Variants in JAK2 observed in about 807,000 individuals in gnomAD.
JAK2 encodes the protein tyrosine-protein kinase JAK2.
Under a neutral mutation model 139.3 loss-of-function variants are expected in JAK2, and 86 were observed. The ratio of observed to expected loss-of-function variants is 0.62; its 90% CI spans 0.52 to 0.74. JAK2 has a LOEUF of 0.74. Ranked by LOEUF, JAK2 falls within the 30% of genes least tolerant of loss-of-function variation. JAK2 has a pLI of 0.00. For synonymous variants in JAK2, 490 were observed against 437.7 expected, an observed-to-expected ratio of 1.12 and a Z score of -1.49; for missense variants, 1,421 against 1,360.3, an observed-to-expected ratio of 1.04 and a Z score of -0.70.
intron 2 of JAK2, among the ~76,000 whole-genome samples, chr9:5,000,254 A>G (rs1052126616): frequency 2.1e-4 from 32 of 152,222 alleles, no homozygotes; most frequent in African/African-American, 7.0e-4. Flanking sequence ...GGGGTTTAGA[A>G]AGGAGGTACA....
Position 5,116,008 on chromosome 9 carries a change from T to G in JAK2, c.3060-6996T>G, listed in dbSNP as rs115681189. On this transcript the variant is annotated intron_variant, in intron 22 of 24. Transcript: ENST00000381652. ...CCACCATGACACGTGTATACCTACG[T>G]TAACAAACCTGCACCTTCTGCACAT... 6.5e-3 allele frequency among the ~76,000 whole-genome samples: 983 copies of G among 152,200 alleles called. 7 individuals carry two copies. Among genetic ancestry groups the G allele is most frequent in the African/African-American group, 0.022 (903 of 41,510 alleles).
At chr9:4,991,084 A>G (rs546618524) in intron 2 of JAK2, among the ~76,000 whole-genome samples, 1 of 152,320 alleles carries the variant, frequency 6.6e-6, no homozygotes, top group East Asian at 1.9e-4. Flanking sequence ...TGCTGGTAAA[A>G]TTTGAATAAA....
intron 2 of JAK2, among the ~76,000 whole-genome samples, chr9:4,989,501 T>C (rs113804118): frequency 2.5e-4 from 38 of 152,198 alleles, no homozygotes; most frequent in African/African-American, 8.9e-4. Context: ...ATTCAAGAAA[T>C]ACATGTTGAT....
chr9:5,108,563 G>A (rs1232145165), intron 22 of JAK2: 2 of 151,938 alleles, frequency 1.3e-5, no homozygotes, highest in African/African-American at 4.8e-5. Context: ...GACTTCACCT[G>A]TGACTCCCAA....
chr9:5,040,696 A>C (rs573821816), intron 4 of JAK2, among the ~76,000 whole-genome samples: 18 of 152,400 alleles, frequency 1.2e-4, no homozygotes, highest in African/African-American at 4.1e-4. Flanking sequence ...AAATGGCCAA[A>C]AAGCATGTAA....
intron 22 of JAK2, among the ~76,000 whole-genome samples, chr9:5,093,355 C>A (rs1019553759): frequency 1.5e-4 from 23 of 152,142 alleles, no homozygotes; most frequent in African/African-American, 5.3e-4. Flanking sequence ...GTTCAACGAC[C>A]ACCATATCCT....
chr9:5,025,329 C>G (rs1822710238), intron 3 of JAK2, among the ~76,000 whole-genome samples: 1 of 152,134 alleles, frequency 6.6e-6, no homozygotes, highest in South Asian at 2.1e-4. Flanking sequence ...TCTCTGTTCG[C>G]TCTTGGTCTA....
chr9:4,987,161 A>C (rs78061489), intron 2 of JAK2, among the ~76,000 whole-genome samples: 5,114 of 152,304 alleles, frequency 0.034, 157 homozygotes, highest in Middle Eastern at 0.051. Flanking sequence ...AAGCTGCAGT[A>C]CTTGCTGGCC....
chr9:5,023,794 G>T (rs11794778), intron 3 of JAK2, among the ~76,000 whole-genome samples: 36,289 of 151,988 alleles, frequency 0.24, 4,768 homozygotes, highest in South Asian at 0.32. Flanking sequence ...GAGACCTCTG[G>T]TCAGTTATCT....
chr9:5,044,701 G>C (rs1481432526), intron 5 of JAK2, among the ~76,000 whole-genome samples, 181 bp downstream of exon 5: 1 of 151,728 alleles, frequency 6.6e-6, no homozygotes, highest in African/African-American at 2.4e-5. Context: ...ATGGTTTATG[G>C]ATAATAGAAT....
intron 2 of JAK2, among the ~76,000 whole-genome samples, chr9:5,007,531 G>T (rs962532898): frequency 6.6e-6 from 1 of 151,824 alleles, no homozygotes; most frequent in Non-Finnish European, 1.5e-5. Flanking sequence ...TTTTGTTGAG[G>T]TATTAAGAAT....
chr9:5,038,414 C>T (rs990778769), intron 4 of JAK2, among the ~76,000 whole-genome samples: 2 of 152,102 alleles, frequency 1.3e-5, no homozygotes, highest in African/African-American at 4.8e-5. Context: ...TTTCTGAGCT[C>T]TTTCTGTGAG....
chr9:5,089,051 A>C lies in JAK2; in HGVS notation c.2572-623A>C, dbSNP rs57110074. On this transcript the variant is annotated intron_variant, in intron 19 of 24. Coordinates refer to ENST00000381652, the MANE Select transcript of JAK2 (RefSeq NM_004972.4). ...ATTCTTCCTGGAAGTTAGTGACAAAAGTTTAGGAATCCTCAGCATGTCCCT... is the reference window on the plus strand; with the variant it reads ...ATTCTTCCTGGAAGTTAGTGACAAACGTTTAGGAATCCTCAGCATGTCCCT... 3.8e-3 allele frequency among the ~76,000 whole-genome samples: 582 copies of C among 152,344 alleles called. 5 individuals carry two copies. The highest frequency in any genetic ancestry group is 0.014 in the African/African-American group (566 of 41,584).
intron 2 of JAK2, among the ~76,000 whole-genome samples, chr9:4,987,615 A>T (rs1407957276): frequency 6.6e-6 from 1 of 151,332 alleles, no homozygotes; most frequent in Non-Finnish European, 1.5e-5. Flanking sequence ...GCACACCTGT[A>T]ATCCCAGCTA....
intron 4 of JAK2, chr9:5,041,937 C>T (rs963250703): frequency 5.2e-6 from 2 of 387,718 alleles, no homozygotes; most frequent in Non-Finnish European, 9.9e-6. Context: ...GCTGCTGTTT[C>T]TTCCCCCTGA....
chr9:5,053,067 T>C (rs1817532557), intron 6 of JAK2, among the ~76,000 whole-genome samples: 1 of 152,134 alleles, frequency 6.6e-6, no homozygotes, highest in African/African-American at 2.4e-5. Flanking sequence ...GAGGAACTGC[T>C]TAACTTTTCA....
At chr9:5,016,909 C>G (rs780254573) in intron 2 of JAK2, among the ~76,000 whole-genome samples, 1 of 152,104 alleles carries the variant, frequency 6.6e-6, no homozygotes, top group African/African-American at 2.4e-5. Context: ...TAGCATTTGA[C>G]GGCATAGTAG....
At chr9:5,073,651 T>C (rs1482640631) in intron 13 of JAK2, 47 bp from the exon 14 acceptor site, 3 of 1,381,104 alleles carry the variant, frequency 2.2e-6, no homozygotes, top group African/African-American at 2.9e-5. Context: ...GAACTATTTA[T>C]GGACAACAGT....
intron 16 of JAK2, among the ~76,000 whole-genome samples, chr9:5,079,143 T>C (rs1277915534): frequency 6.6e-6 from 1 of 152,184 alleles, no homozygotes; most frequent in Non-Finnish European, 1.5e-5. Context: ...AACTGGGCAG[T>C]AGTACAGGAG....
Sources: gnomAD v4.1 joint callset for allele counts (sites outside exome capture counted in the v4.1 genomes callset) on GRCh38, gnomAD v4.1.1 for gene constraint, MANE v1.5 for transcripts, NCBI Gene and HGNC (gene_info 2026-07-23, HGNC 2026-07-21) for gene names.